The following AFAP1L2 variants were observed in gnomAD, a reference collection of about 807,000 sequenced individuals.
AFAP1L2 encodes the protein actin filament-associated protein 1-like 2.
A neutral mutation model predicts 99.3 loss-of-function variants in AFAP1L2; 46 were observed. The observed-to-expected ratio is 0.46, with a 90% CI of 0.37 to 0.59. The LOEUF is 0.59. Ranked by LOEUF, AFAP1L2 falls within the 20% of genes least tolerant of loss-of-function variation. The probability of loss-of-function intolerance (pLI) is 0.00; values close to 1 mark genes in which losing one functional copy is unlikely to be tolerated. For synonymous variants in AFAP1L2, 397 were observed against 419.1 expected (o/e 0.95, Z 0.64); for missense variants, 959 against 1,034.9 (o/e 0.93, Z 1.01).
At chr10:114,286,861 A>G in the AFAP1L2 span, among the ~76,000 whole-genome samples, 1 of 152,244 alleles carries the variant, frequency 6.6e-6, no homozygotes, top group Non-Finnish European at 1.5e-5. Context: ...AGCAGGCTCC[A>G]GAGCAGCAGC....
Position 114,295,629 on chromosome 10 carries a change from A to T in AFAP1L2, c.*413T>A. ...TATTGGATAAGAGATGATGGCCAGGAGTTTAGGTCTTCTCACTCACCAAAG... is the reference window on the plus strand; with the variant it reads ...TATTGGATAAGAGATGATGGCCAGGTGTTTAGGTCTTCTCACTCACCAAAG... On this transcript the variant is annotated 3_prime_UTR_variant, in exon 19 of 19. Coordinates refer to ENST00000304129, the MANE Select transcript of AFAP1L2 (RefSeq NM_001001936.3). 1.0e-6 allele frequency: 1 copy of T among 999,596 alleles called. No homozygotes were observed. Among genetic ancestry groups the T allele is most frequent in the Non-Finnish European group, 1.2e-6 (1 of 839,032 alleles). The allele number at this position is 999,596 out of a possible 1,614,324, so 61.9% of individuals were successfully genotyped here. A position where few individuals can be genotyped will look rare whatever the true frequency, so the allele number is the denominator to read the frequency against.
At chr10:114,314,087 G>T (rs1180267699) in intron 6 of AFAP1L2, 37 bp from the exon 7 acceptor site, 1 of 1,587,256 alleles carries the variant, frequency 6.3e-7, no homozygotes, top group Admixed American at 1.7e-5. Context: ...ACTTTGCCAG[G>T]GGTGCCGGGC....
At chr10:114,376,729 T>C (rs1036046030) in intron 1 of AFAP1L2, among the ~76,000 whole-genome samples, 14 of 152,320 alleles carry the variant, frequency 9.2e-5, no homozygotes, top group African/African-American at 3.1e-4. Context: ...GTTGCTGAAC[T>C]CGTTACATCC....
chr10:114,341,809 A>G (rs2048869274), intron 1 of AFAP1L2, among the ~76,000 whole-genome samples: 1 of 151,862 alleles, frequency 6.6e-6, no homozygotes, highest in Non-Finnish European at 1.5e-5. Context: ...CTAAATCACA[A>G]TTGTCCCTGT....
chr10:114,402,914 TC>T (rs1342806894), intron 1 of AFAP1L2, among the ~76,000 whole-genome samples: 1 of 152,140 alleles, frequency 6.6e-6, no homozygotes, highest in African/African-American at 2.4e-5. Context: ...GGCCAACACT[TC>T]CTGTCAGGCT....
At chr10:114,383,256 C>T (rs1011689516) in intron 1 of AFAP1L2, among the ~76,000 whole-genome samples, 1 of 152,018 alleles carries the variant, frequency 6.6e-6, no homozygotes, top group African/African-American at 2.4e-5. Flanking sequence ...TTTTGCTGTG[C>T]TCTGTTGCTT....
At chr10:114,293,238 G>A (rs985849853), downstream of AFAP1L2, among the ~76,000 whole-genome samples, 3 of 152,176 alleles carry the variant, frequency 2.0e-5, no homozygotes, top group Admixed American at 2.0e-4. Flanking sequence ...AGAAGACAAC[G>A]TCCGGGGCAG....
intron 2 of AFAP1L2, among the ~76,000 whole-genome samples, chr10:114,338,821 G>T (rs533167676): frequency 6.6e-6 from 1 of 152,176 alleles, no homozygotes; most frequent in Non-Finnish European, 1.5e-5. Context: ...TGATCAGGAC[G>T]CAAGGGTATA....
the AFAP1L2 span, chr10:114,288,972 G>A: frequency 6.2e-7 from 1 of 1,613,546 alleles, no homozygotes; most frequent in Non-Finnish European, 8.5e-7. Context: ...TCGTCTTCAT[G>A]TTGGACACCT....
At chr10:114,393,855 TG>T (rs1230940529) in intron 1 of AFAP1L2, among the ~76,000 whole-genome samples, 1 of 152,100 alleles carries the variant, frequency 6.6e-6, no homozygotes, top group African/African-American at 2.4e-5. Flanking sequence ...AGGAGGTCAA[TG>T]GGAAAAAATT....
At chr10:114,313,239 G>C (rs766670496) in intron 7 of AFAP1L2, among the ~76,000 whole-genome samples, 1 of 152,110 alleles carries the variant, frequency 6.6e-6, no homozygotes, top group African/African-American at 2.4e-5. Flanking sequence ...ATCCATTCCT[G>C]GTGCAAACTT....
chr10:114,391,747 C>T (rs558100637), intron 1 of AFAP1L2, among the ~76,000 whole-genome samples: 29 of 152,290 alleles, frequency 1.9e-4, no homozygotes, highest in African/African-American at 5.1e-4. Context: ...CCTTGACAAA[C>T]GTGCTTACCA....
At chr10:114,304,358 T>G (rs2041765339) in intron 11 of AFAP1L2, among the ~76,000 whole-genome samples, 1 of 152,112 alleles carries the variant, frequency 6.6e-6, no homozygotes, top group Non-Finnish European at 1.5e-5. Context: ...CCAGATAAGC[T>G]CTAACAGTGT....
chr10:114,303,962 T>C (rs1005048238), intron 11 of AFAP1L2, among the ~76,000 whole-genome samples: 1 of 152,154 alleles, frequency 6.6e-6, no homozygotes, highest in Non-Finnish European at 1.5e-5. Context: ...ACTCCCAAAC[T>C]AGGATGTAAG....
chr10:114,296,683 C>G (rs1452114772), intron 18 of AFAP1L2: 1 of 375,446 alleles, frequency 2.7e-6, no homozygotes, highest in African/African-American at 2.1e-5. Context: ...TAATCTGTCC[C>G]TGAGCTGCAG....
At chr10:114,357,994 T>C (rs1034659207) in intron 1 of AFAP1L2, among the ~76,000 whole-genome samples, 11 of 152,252 alleles carry the variant, frequency 7.2e-5, no homozygotes, top group Admixed American at 5.2e-4. Context: ...ATAAGCATCA[T>C]GTCTGAGAGT....
chr10:114,290,224 G>A (rs753352965), downstream of AFAP1L2: 309 of 1,550,192 alleles, frequency 2.0e-4, no homozygotes, highest in Non-Finnish European at 2.4e-4. Flanking sequence ...GGTGGGTATG[G>A]TGTTCTCCAT....
upstream of AFAP1L2, chr10:114,404,582 G>A: frequency 7.6e-7 from 1 of 1,315,938 alleles, no homozygotes; most frequent in Non-Finnish European, 9.7e-7. Flanking sequence ...CCTCCTGGCG[G>A]GGCCGCCGCG....
Position 114,323,121 on chromosome 10 carries a change from G to A in AFAP1L2, c.406+50C>T, listed in dbSNP as rs2045638117. ...CCCAGGTAAGTCTGCACCAACATCT[G>A]TGCAGGAAGCAGTAAGTCACCCTCC... On this transcript the variant is annotated intron_variant, in intron 5 of 18. Coordinates refer to ENST00000304129, the MANE Select transcript of AFAP1L2 (RefSeq NM_001001936.3). The A allele has an allele frequency of 2.7e-6, 4 of 1,506,312 alleles. No homozygotes were observed. In the South Asian group the frequency reaches 4.8e-5, roughly 18 times the overall value. The allele number at this position is 1,506,312 out of a possible 1,614,324, so 93.3% of individuals were successfully genotyped here. A position where few individuals can be genotyped will look rare whatever the true frequency, so the allele number is the denominator to read the frequency against.
Sources: gnomAD v4.1 joint callset for allele counts (sites outside exome capture counted in the v4.1 genomes callset) on GRCh38, gnomAD v4.1.1 for gene constraint, MANE v1.5 for transcripts, NCBI Gene and HGNC (gene_info 2026-07-23, HGNC 2026-07-21) for gene names.